The following GRIN2A variants were observed in gnomAD, a reference collection of about 807,000 sequenced individuals.
GRIN2A encodes glutamate ionotropic receptor NMDA type subunit 2A.
Under a neutral mutation model 113.4 loss-of-function variants are expected in GRIN2A, and 22 were observed. The ratio of observed to expected loss-of-function variants is 0.19; its 90% CI spans 0.14 to 0.28. The LOEUF (loss-of-function observed/expected upper bound fraction) is 0.28. Among genes scored for constraint, GRIN2A ranks in the 10% least tolerant of loss-of-function variants. The probability of loss-of-function intolerance (pLI) is 1.00; values close to 1 mark genes in which losing one functional copy is unlikely to be tolerated. For missense variants in GRIN2A, 1,502 were observed against 1,887.0 expected (o/e 0.80, Z 3.78); for synonymous variants, 827 against 738.4 (o/e 1.12, Z -1.94).
intron 7 of GRIN2A, 101 bp from the exon 8 acceptor site, chr16:9,834,331 T>G: frequency 9.4e-7 from 1 of 1,067,628 alleles, no homozygotes. Context: ...CCAAAAATAT[T>G]TTCTCTAATT....
At chr16:9,876,995 T>C (rs942990690) in intron 4 of GRIN2A, among the ~76,000 whole-genome samples, 1 of 152,182 alleles carries the variant, frequency 6.6e-6, no homozygotes, top group Admixed American at 6.5e-5. Flanking sequence ...CCAAGGCAGA[T>C]ACCATCCCTG....
intron 4 of GRIN2A, among the ~76,000 whole-genome samples, chr16:9,878,788 AGTTGGGTTG>A (rs2141448031): frequency 6.6e-6 from 1 of 152,104 alleles, no homozygotes; most frequent in South Asian, 2.1e-4. Context: ...TTCTTTTTGG[AGTTGGGTTG>A]ATGTTACAAC....
At position 10,024,661 on chromosome 16, in the gene GRIN2A, A is replaced by T. The variant is rs2046787234; in HGVS notation, c.415-86110T>A. Among the ~76,000 whole-genome samples, 3 of 152,340 alleles carry T rather than the reference A, an allele frequency of 2.0e-5. No homozygotes were observed. In the South Asian group the frequency reaches 6.2e-4, roughly 32 times the overall value. ...TGGCTTTTAGAGACTCTCATTTTGC[A>T]GACCCATTCAAGCCATGGATTTAGT... On this transcript the variant is annotated intron_variant, in intron 2 of 12. Transcript: ENST00000330684.
intron 2 of GRIN2A, among the ~76,000 whole-genome samples, chr16:10,049,217 T>C (rs2047311856): frequency 6.6e-6 from 1 of 152,128 alleles, no homozygotes; most frequent in Non-Finnish European, 1.5e-5. Context: ...GAGATGACAA[T>C]GAAGAGATGG....
chr16:9,822,139 T>A (rs2042296839), intron 10 of GRIN2A, 125 bp downstream of exon 10: 2 of 1,040,546 alleles, frequency 1.9e-6, no homozygotes, highest in Admixed American at 3.4e-5. Flanking sequence ...CTGGGGCCCA[T>A]CTGGACCACA....
chr16:9,798,058 T>G (rs568336544), intron 11 of GRIN2A, among the ~76,000 whole-genome samples: 50 of 151,994 alleles, frequency 3.3e-4, no homozygotes, highest in African/African-American at 1.1e-3. Flanking sequence ...TGAGAGAGAC[T>G]GTATCCTTAG....
intron 2 of GRIN2A, among the ~76,000 whole-genome samples, chr16:10,104,571 A>G (rs1322207989): frequency 6.6e-5 from 10 of 152,262 alleles, no homozygotes; most frequent in African/African-American, 7.2e-5. Context: ...CACGAGCACA[A>G]TTTTACGTGG....
At chr16:9,875,356 T>C (rs2043343793) in intron 4 of GRIN2A, among the ~76,000 whole-genome samples, 1 of 152,164 alleles carries the variant, frequency 6.6e-6, no homozygotes. Flanking sequence ...TTTTTATCTC[T>C]ATTTCTCCCC....
chr16:10,050,752 G>A (rs4782186), intron 2 of GRIN2A, among the ~76,000 whole-genome samples: 1 of 152,162 alleles, frequency 6.6e-6, no homozygotes, highest in East Asian at 1.9e-4. Flanking sequence ...TGGAAAAACT[G>A]TCTTCCACGA....
At chr16:9,768,162 G>T (rs541101731) in intron 12 of GRIN2A, among the ~76,000 whole-genome samples, 1 of 152,106 alleles carries the variant, frequency 6.6e-6, no homozygotes, top group South Asian at 2.1e-4. Context: ...CCGGGTTCAC[G>T]CCATTCTCCT....
In GRIN2A at chr16:9,763,833, A is replaced by T. The variant is rs1224957842; in HGVS notation, c.3711T>A (p.Asp1237Glu). The change falls in exon 13 of 13, where the codon GAT becomes GAA. Residue 1237 changes from aspartate (D) to glutamate (E), a missense_variant. Physicochemically the swap from Asp to Glu is conservative, Grantham distance 45. This residue lies in a region of GRIN2A where 832 missense variants were observed against 789.7 expected (regional missense o/e 1.05). Transcript: ENST00000330684. ...HFTMRSPFKCDACLRMGNLYD... is the reference protein window; with the variant it reads ...HFTMRSPFKCEACLRMGNLYD... The stretch of plus-strand genomic sequence containing the variant: ...AGAGGTTCCCCATCCGCAGGCAGGC[A>T]TCGCACTTGAAGGGGGACCTCATGG... 1.9e-6 allele frequency: 3 copies of T among 1,614,130 alleles called. No individual in the cohort carries two copies. The highest frequency in any genetic ancestry group is 1.3e-5 in the African/African-American group (1 of 75,020).
intron 2 of GRIN2A, among the ~76,000 whole-genome samples, chr16:9,982,309 C>T (rs2045906136): frequency 6.6e-6 from 1 of 152,088 alleles, no homozygotes; most frequent in African/African-American, 2.4e-5. Flanking sequence ...GATGTGTGTA[C>T]TTTCTTTAAA....
chr16:10,112,878 T>C (rs1018749231), intron 2 of GRIN2A: 2 of 504,648 alleles, frequency 4.0e-6, no homozygotes, highest in Admixed American at 4.7e-5. Context: ...GAAGCAGCTG[T>C]ACTGAGGATA....
At chr16:9,981,433 T>A (rs971803489) in intron 2 of GRIN2A, among the ~76,000 whole-genome samples, 1 of 152,234 alleles carries the variant, frequency 6.6e-6, no homozygotes, top group Non-Finnish European at 1.5e-5. Flanking sequence ...GAAAAAATAG[T>A]ATAACAAACC....
chr16:10,110,831 G>C (rs568710145), intron 2 of GRIN2A, among the ~76,000 whole-genome samples: 1 of 152,190 alleles, frequency 6.6e-6, no homozygotes, highest in Non-Finnish European at 1.5e-5. Flanking sequence ...AAGATGAAAG[G>C]AGCTGAGCCC....
chr16:10,031,619 T>C (rs10500373), intron 2 of GRIN2A: 28,093 of 152,230 alleles, frequency 0.18, 2,927 homozygotes, highest in East Asian at 0.35. Context: ...TCTTAGCAAC[T>C]GTAACTTACT....
intron 2 of GRIN2A, among the ~76,000 whole-genome samples, chr16:10,008,670 C>T (rs1871623528): frequency 6.6e-6 from 1 of 152,160 alleles, no homozygotes; most frequent in Admixed American, 6.5e-5. Context: ...CAAGGATGTT[C>T]AAGGCATTTT....
chr16:9,903,456 T>C (rs1351254242), intron 3 of GRIN2A, among the ~76,000 whole-genome samples: 1 of 152,188 alleles, frequency 6.6e-6, no homozygotes, highest in Non-Finnish European at 1.5e-5. Flanking sequence ...ATTTATTGAC[T>C]TGATTCAAAA....
At chr16:9,824,087 A>G (rs2141298906) in intron 9 of GRIN2A, among the ~76,000 whole-genome samples, 1 of 152,320 alleles carries the variant, frequency 6.6e-6, no homozygotes, top group African/African-American at 2.4e-5. Context: ...GTTAATTAAA[A>G]TTTCCAGTTG....
Sources: gnomAD v4.1 joint callset for allele counts (sites outside exome capture counted in the v4.1 genomes callset) on GRCh38, gnomAD v4.1.1 for gene constraint, gnomAD v4.1.1 regional missense constraint, MANE v1.5 for transcripts, NCBI Gene and HGNC (gene_info 2026-07-23, HGNC 2026-07-21) for gene names.